The following NUS1 variants were observed in gnomAD, a reference collection of about 807,000 sequenced individuals.
NUS1 encodes the protein dehydrodolichyl diphosphate synthase complex subunit NUS1.
For missense variants in NUS1, 292 were observed against 382.9 expected (o/e 0.76, Z 1.98); for synonymous variants, 135 against 155.2 (o/e 0.87, Z 0.97).
chr6:117,691,884 T>G (rs1292042994), intron 1 of NUS1, among the ~76,000 whole-genome samples: 1 of 151,834 alleles, frequency 6.6e-6, no homozygotes, highest in Non-Finnish European at 1.5e-5. Context: ...GCTCTGTTAC[T>G]CTTTAATGTC....
chr6:117,701,583 G>T (rs981886182), intron 3 of NUS1, among the ~76,000 whole-genome samples: 2 of 152,068 alleles, frequency 1.3e-5, no homozygotes, highest in Non-Finnish European at 2.9e-5. Context: ...CAGTTTCGGG[G>T]TATAGAATTT....
intron 1 of NUS1, among the ~76,000 whole-genome samples, chr6:117,677,251 C>A (rs1019948415): frequency 9.2e-5 from 14 of 152,090 alleles, no homozygotes; most frequent in African/African-American, 3.4e-4. Flanking sequence ...TGGTTAATAA[C>A]AAGAAGTGTT....
At position 117,710,286 on chromosome 6, in the gene NUS1, A is replaced by G. The variant is rs1459741490; in HGVS notation, c.*3271A>G. On this transcript the variant is annotated 3_prime_UTR_variant, in exon 5 of 5. Coordinates refer to ENST00000368494, the MANE Select transcript of NUS1 (RefSeq NM_138459.5). ...TTTCATCTAAAATTAAGTTTACCAAAGGCAAATAACTGCTTACTAGGAACT... is the reference window on the plus strand; with the variant it reads ...TTTCATCTAAAATTAAGTTTACCAAGGGCAAATAACTGCTTACTAGGAACT... 3.3e-5 allele frequency: 5 copies of G among 152,244 alleles called. No homozygotes were observed. The highest frequency in any genetic ancestry group is 7.2e-5 in the African/African-American group (3 of 41,562). The allele number at this position is 152,244 out of a possible 1,614,324, so 9.4% of individuals were successfully genotyped here.
At chr6:117,689,016 C>A (rs1449111551) in intron 1 of NUS1, among the ~76,000 whole-genome samples, 1 of 152,000 alleles carries the variant, frequency 6.6e-6, no homozygotes, top group East Asian at 1.9e-4. Context: ...GACGGGAACC[C>A]TGAGGAATAA....
chr6:117,699,699 A>AT (rs1335785558), intron 3 of NUS1, among the ~76,000 whole-genome samples: 1 of 152,226 alleles, frequency 6.6e-6, no homozygotes, highest in African/African-American at 2.4e-5. Context: ...AGCCAAAGCT[A>AT]TTCTAAGCAA....
intron 3 of NUS1, among the ~76,000 whole-genome samples, chr6:117,695,508 A>C (rs980151928): frequency 1.3e-5 from 2 of 152,198 alleles, no homozygotes; most frequent in African/African-American, 4.8e-5. Flanking sequence ...GTAATTTCAT[A>C]AGGACATTCT....
intron 1 of NUS1, among the ~76,000 whole-genome samples, chr6:117,686,852 ATGTGTGTGTGTGTGTGTGTGTGTGTGTG>A (rs56080181): frequency 7.2e-6 from 1 of 139,304 alleles, no homozygotes; most frequent in South Asian, 2.4e-4. Flanking sequence ...TGAAGTGTGT[ATGTGTGTGTGTGTGTGTGTGTGTGTGTG>A]TGTGTGTGTG....
rs1227680520 is a variant in NUS1, at chr6:117,707,968, A to G, written c.*953A>G. ...ATTATACCCAAAGTTCTTTTAAAAA[A>G]TATTTCCATCAACCATTTTTATTTA... On this transcript the variant is annotated 3_prime_UTR_variant, in exon 5 of 5. Coordinates refer to ENST00000368494, the MANE Select transcript of NUS1 (RefSeq NM_138459.5). 6.6e-6 allele frequency: 1 copy of G among 152,164 alleles called. No homozygotes were observed. 9.4% of individuals were successfully genotyped at this position (152,164 alleles called of 1,614,324 possible).
intron 1 of NUS1, among the ~76,000 whole-genome samples, chr6:117,676,663 C>T (rs996571147): frequency 6.6e-6 from 1 of 151,932 alleles, no homozygotes; most frequent in Non-Finnish European, 1.5e-5. Context: ...ATTTGTATAC[C>T]CTTGCCAAGG....
chr6:117,701,580 G>A (rs536756341), intron 3 of NUS1, among the ~76,000 whole-genome samples: 5 of 152,150 alleles, frequency 3.3e-5, no homozygotes, highest in South Asian at 2.1e-4. Flanking sequence ...TTGCAGTTTC[G>A]GGGTATAGAA....
intron 1 of NUS1, among the ~76,000 whole-genome samples, chr6:117,679,271 C>G (rs1247016245): frequency 6.6e-6 from 1 of 152,116 alleles, no homozygotes; most frequent in African/African-American, 2.4e-5. Context: ...TGAGCTGGAC[C>G]TAGTCAAAAA....
intron 1 of NUS1, among the ~76,000 whole-genome samples, chr6:117,682,986 A>T (rs945980367): frequency 6.6e-6 from 1 of 152,216 alleles, no homozygotes; most frequent in African/African-American, 2.4e-5. Context: ...CCACTAGTGT[A>T]CATGTTCATC....
In NUS1 at chr6:117,706,936, C is replaced by T; in HGVS notation, c.803C>T (p.Ser268Phe). ...TGTTTTCTTTTCAGCTCTTTGCCTT[C>T]CCACCTAAACATCAGTTATGAGGAC... ...IRLTEIVSLPSHLNISYEDFF... is the reference protein window; with the variant it reads ...IRLTEIVSLPFHLNISYEDFF... The change falls in exon 5 of 5, where the codon TCC becomes TTC. Residue 268 changes from serine to phenylalanine, a missense_variant. Ser to Phe is a radical substitution (Grantham distance 155, BLOSUM62 -2). Coordinates refer to ENST00000368494, the MANE Select transcript of NUS1 (RefSeq NM_138459.5). The T allele has an allele frequency of 6.2e-7, 1 of 1,612,528 alleles. No homozygotes were observed. The highest frequency in any genetic ancestry group is 8.5e-7 in the Non-Finnish European group (1 of 1,178,790).
intron 4 of NUS1, among the ~76,000 whole-genome samples, chr6:117,703,971 C>T (rs1005213181): frequency 9.9e-5 from 15 of 151,926 alleles, no homozygotes; most frequent in South Asian, 2.1e-4. Context: ...TGGCTTGATC[C>T]GCAGATACAT....
At chr6:117,682,606 A>G (rs1356502434) in intron 1 of NUS1, among the ~76,000 whole-genome samples, 1 of 152,178 alleles carries the variant, frequency 6.6e-6, no homozygotes, top group Non-Finnish European at 1.5e-5. Flanking sequence ...CAATCAATCA[A>G]TAAATCAAAC....
intron 3 of NUS1, among the ~76,000 whole-genome samples, chr6:117,699,702 C>G (rs1773374974): frequency 6.6e-6 from 1 of 152,116 alleles, no homozygotes; most frequent in African/African-American, 2.4e-5. Flanking sequence ...CAAAGCTATT[C>G]TAAGCAAAAA....
chr6:117,677,204 C>T (rs748633671), intron 1 of NUS1, among the ~76,000 whole-genome samples: 1 of 152,062 alleles, frequency 6.6e-6, no homozygotes, highest in Non-Finnish European at 1.5e-5. Flanking sequence ...GACTCTCAGG[C>T]TTGTTAGGAG....
chr6:117,697,305 G>C (rs1420038692), intron 3 of NUS1, among the ~76,000 whole-genome samples: 1 of 151,976 alleles, frequency 6.6e-6, no homozygotes, highest in African/African-American at 2.4e-5. Context: ...GCAGGAGTAA[G>C]TCCTTATCGA....
At chr6:117,686,135 C>T (rs915364688) in intron 1 of NUS1, among the ~76,000 whole-genome samples, 3 of 149,056 alleles carry the variant, frequency 2.0e-5, no homozygotes, top group Admixed American at 1.3e-4. Context: ...GTGGTGGGCG[C>T]CTATAGTCCC....
Sources: gnomAD v4.1 joint callset for allele counts (sites outside exome capture counted in the v4.1 genomes callset) on GRCh38, gnomAD v4.1.1 for gene constraint, MANE v1.5 for transcripts, NCBI Gene and HGNC (gene_info 2026-07-23, HGNC 2026-07-21) for gene names.